The following NAA11 variants were observed in gnomAD, a reference collection of about 807,000 sequenced individuals.
NAA11 encodes N-alpha-acetyltransferase 11.
Under a neutral mutation model 16.1 loss-of-function variants are expected in NAA11, and 15 were observed. That is an observed-to-expected ratio of 0.93 (90% CI 0.62 to 1.44). The LOEUF is 1.44. Ranked by LOEUF, NAA11 falls within the 40% of genes most tolerant of loss-of-function variation. NAA11 has a pLI of 0.00. For synonymous variants in NAA11, 122 were observed against 112.4 expected (o/e 1.09, Z -0.54); for missense variants, 298 against 291.3 (o/e 1.02, Z -0.17).
At chr4:79,222,242 T>G (rs1201755135), downstream of NAA11, among the ~76,000 whole-genome samples, 1 of 152,230 alleles carries the variant, frequency 6.6e-6, no homozygotes, top group African/African-American at 2.4e-5. Flanking sequence ...CATTTTTTAT[T>G]GCATCTATTT....
chr4:79,167,427 TA>T, the NAA11 span, among the ~76,000 whole-genome samples: 1 of 151,010 alleles, frequency 6.6e-6, no homozygotes, highest in Non-Finnish European at 1.5e-5. Context: ...ATGATAGGGA[TA>T]GATATCAAGA....
chr4:79,208,835 C>T, the NAA11 span, among the ~76,000 whole-genome samples: 1 of 125,828 alleles, frequency 7.9e-6, no homozygotes, highest in South Asian at 2.7e-4. Context: ...GGATTTGGTT[C>T]AAGAAAATAA....
the NAA11 span, among the ~76,000 whole-genome samples, chr4:79,211,364 T>C: frequency 2.0e-4 from 30 of 152,226 alleles, no homozygotes; most frequent in African/African-American, 7.2e-4. Flanking sequence ...TTTTTCACAG[T>C]AGTTATTCCC....
In NAA11 at chr4:79,322,239, G is replaced by C. The variant is rs559545704; in HGVS notation, c.*12+2937C>G. Among the ~76,000 whole-genome samples, 21 of 152,278 alleles carry C rather than the reference G, an allele frequency of 1.4e-4. 1 individual carries two copies. The South Asian group carries it at 3.9e-3, about 29-fold the overall frequency. ...GGATGGGGCCATTGAATATGTCTCA[G>C]CAGATAACAACTCAGAAAGACGGTG... is the stretch of plus-strand genomic sequence containing the variant. On this transcript the variant is annotated intron_variant, in intron 1 of 1. Transcript: ENST00000286794.
At chr4:79,293,507 CATTATTTTA>C (rs1256982062) in intron 2 of NAA11, among the ~76,000 whole-genome samples, 1 of 152,040 alleles carries the variant, frequency 6.6e-6, no homozygotes, top group Non-Finnish European at 1.5e-5. Flanking sequence ...AAGTTGATCC[CATTATTTTA>C]ATTATACAGA....
chr4:79,320,502 T>G (rs1724060061), intron 1 of NAA11, among the ~76,000 whole-genome samples: 1 of 152,186 alleles, frequency 6.6e-6, no homozygotes, highest in Non-Finnish European at 1.5e-5. Context: ...TGTTTTCCAC[T>G]ATCTGTATAA....
At chr4:79,168,378 A>G in the NAA11 span, among the ~76,000 whole-genome samples, 1 of 152,210 alleles carries the variant, frequency 6.6e-6, no homozygotes, top group East Asian at 1.9e-4. Flanking sequence ...TCCTTTGGAT[A>G]TATACCTAGT....
intron 1 of NAA11, among the ~76,000 whole-genome samples, chr4:79,309,721 T>TTTC (rs1553896583): frequency 1.5e-5 from 2 of 137,248 alleles, no homozygotes; most frequent in Non-Finnish European, 3.2e-5. Context: ...TTTCTTTTTT[T>TTTC]TTTTTTTTTT....
chr4:79,176,476 C>T, the NAA11 span, among the ~76,000 whole-genome samples: 4 of 152,072 alleles, frequency 2.6e-5, no homozygotes, highest in African/African-American at 4.8e-5. Flanking sequence ...TTGCAGTTTG[C>T]GTCTGAAGAC....
intron 2 of NAA11, among the ~76,000 whole-genome samples, chr4:79,281,048 G>T (rs934401016): frequency 1.6e-4 from 25 of 151,876 alleles, no homozygotes; most frequent in Admixed American, 9.9e-4. Context: ...TGCTTTCCAG[G>T]CTCCAGTGCA....
downstream of NAA11, among the ~76,000 whole-genome samples, chr4:79,315,897 C>A (rs1246981962): frequency 6.6e-6 from 1 of 152,134 alleles, no homozygotes; most frequent in African/African-American, 2.4e-5. Context: ...ACCAGATAGG[C>A]TGCTATAATT....
At chr4:79,324,887 A>G (rs1274056898) in intron 1 of NAA11, among the ~76,000 whole-genome samples, 2 of 152,230 alleles carry the variant, frequency 1.3e-5, no homozygotes, top group Admixed American at 1.3e-4. Context: ...CCTTTCATCA[A>G]CTACGTGGTT....
intron 1 of NAA11, among the ~76,000 whole-genome samples, chr4:79,307,590 C>T (rs1273513318): frequency 6.6e-6 from 1 of 151,912 alleles, no homozygotes; most frequent in African/African-American, 2.4e-5. Flanking sequence ...TAATAAATCA[C>T]CCAAAAGCTA....
intron 1 of NAA11, among the ~76,000 whole-genome samples, chr4:79,310,916 G>A (rs1257746139): frequency 6.6e-6 from 1 of 152,138 alleles, no homozygotes; most frequent in African/African-American, 2.4e-5. Flanking sequence ...TCTAGTTTTG[G>A]CCAGGGTGTA....
At chr4:79,240,228 T>G (rs1443341495) in intron 2 of NAA11, among the ~76,000 whole-genome samples, 1 of 152,168 alleles carries the variant, frequency 6.6e-6, no homozygotes, top group Non-Finnish European at 1.5e-5. Flanking sequence ...AAAAGAAATG[T>G]AGCAATGGGC....
chr4:79,228,589 T>G (rs1425241836), intron 2 of NAA11, among the ~76,000 whole-genome samples: 4 of 68,988 alleles, frequency 5.8e-5, no homozygotes, highest in African/African-American at 9.2e-5. Flanking sequence ...GTGTCTGGAT[T>G]GTTTCATTCA....
intron 1 of NAA11, among the ~76,000 whole-genome samples, chr4:79,298,741 C>T (rs1448587158): frequency 1.3e-5 from 2 of 152,232 alleles, no homozygotes; most frequent in East Asian, 1.9e-4. Context: ...GTGGTATGAG[C>T]CGAGTGCAGC....
intron 1 of NAA11, among the ~76,000 whole-genome samples, chr4:79,297,639 G>T (rs1723261761): frequency 6.6e-6 from 1 of 152,348 alleles, no homozygotes; most frequent in East Asian, 1.9e-4. Flanking sequence ...CTCACTCGGG[G>T]TATTGCTGAC....
chr4:79,276,254 G>A (rs771409641), intron 2 of NAA11, among the ~76,000 whole-genome samples: 4 of 152,036 alleles, frequency 2.6e-5, no homozygotes, highest in Admixed American at 1.3e-4. Context: ...AAATGCAAAC[G>A]CTGCCCATAA....
Sources: allele counts gnomAD v4.1 joint callset (sites outside exome capture counted in the v4.1 genomes callset), GRCh38; gene constraint gnomAD v4.1.1; transcripts MANE v1.5; gene names NCBI Gene and HGNC (gene_info 2026-07-23, HGNC 2026-07-21).